Variants in FSTL4 observed in about 807,000 individuals in gnomAD.
FSTL4 encodes the protein follistatin like 4, also known as follistatin-related protein 4.
FSTL4 carries 28 observed loss-of-function variants against 78.2 expected under a neutral mutation model. The ratio of observed to expected loss-of-function variants is 0.36; its 90% confidence interval spans 0.27 to 0.49. The LOEUF is 0.49. FSTL4 is among the 20% of genes least tolerant of loss of function. The pLI is 0.98. For synonymous variants in FSTL4, 422 were observed against 440.5 expected, an observed-to-expected ratio of 0.96 and a Z score of 0.53; for missense variants, 922 against 1,084.9, an observed-to-expected ratio of 0.85 and a Z score of 2.11.
intron 4 of FSTL4, among the ~76,000 whole-genome samples, chr5:133,321,081 A>T (rs1754039113): frequency 6.6e-6 from 1 of 150,806 alleles, no homozygotes; most frequent in Admixed American, 6.6e-5. Context: ...TGTCTTTCTT[A>T]TCTTCACCCC....
intron 4 of FSTL4, among the ~76,000 whole-genome samples, chr5:133,384,935 C>T (rs1216116304): frequency 1.3e-5 from 2 of 152,116 alleles, no homozygotes; most frequent in Admixed American, 6.5e-5. Flanking sequence ...AACCCTTGGC[C>T]TAGAAGACTC....
intron 2 of FSTL4, among the ~76,000 whole-genome samples, chr5:133,579,030 G>A (rs1380028421): frequency 6.6e-6 from 1 of 152,172 alleles, no homozygotes; most frequent in Non-Finnish European, 1.5e-5. Flanking sequence ...TCAGCACCCT[G>A]AGGAACAACC....
chr5:133,417,940 C>T lies in FSTL4; in HGVS notation c.161-16954G>A, dbSNP rs180813113. 3.1e-3 allele frequency among the ~76,000 whole-genome samples: 355 copies of T among 113,592 alleles called. 4 individuals are homozygous for T. Among genetic ancestry groups the T allele is most frequent in the African/African-American group, 0.012 (337 of 27,846 alleles). 74.5% of individuals were successfully genotyped at this position (113,592 alleles called of 152,430 possible). A position where few individuals can be genotyped will look rare whatever the true frequency, so the allele number is the denominator to read the frequency against. On this transcript the variant is annotated intron_variant, in intron 3 of 15. Transcript: ENST00000265342. ...CGCCACTGCACTCCAGCCTGGGTGA[C>T]AGAGTAAGACTCCATCTTAAAAAAA...
chr5:133,377,714 G>A (rs2126949941), intron 4 of FSTL4, among the ~76,000 whole-genome samples: 1 of 151,960 alleles, frequency 6.6e-6, no homozygotes, highest in Non-Finnish European at 1.5e-5. Context: ...AAAGAAAAGA[G>A]AAAGGAACAG....
intron 3 of FSTL4, among the ~76,000 whole-genome samples, chr5:133,486,052 G>GCTCACA: frequency 6.6e-6 from 1 of 152,234 alleles, no homozygotes; most frequent in African/African-American, 2.4e-5. Flanking sequence ...GGTGAGAATG[G>GCTCACA]CTCACACTCA....
At chr5:133,531,884 A>C (rs928975494) in intron 3 of FSTL4, among the ~76,000 whole-genome samples, 1 of 152,222 alleles carries the variant, frequency 6.6e-6, no homozygotes, top group Non-Finnish European at 1.5e-5. Flanking sequence ...TGTGGGAAGG[A>C]AAACCAAGTA....
chr5:133,628,780 TA>T, the FSTL4 span, among the ~76,000 whole-genome samples: 57 of 152,140 alleles, frequency 3.7e-4, no homozygotes, highest in African/African-American at 1.3e-3. Flanking sequence ...AAGAAATGAA[TA>T]AAAAAATAAA....
the FSTL4 span, among the ~76,000 whole-genome samples, chr5:133,656,387 A>T: frequency 8.0e-3 from 1,217 of 152,332 alleles, 34 homozygotes; most frequent in Admixed American, 0.064. Flanking sequence ...TGTCAAGGGC[A>T]GTAATTTTCT....
chr5:133,261,420 C>T (rs1752517730), intron 6 of FSTL4, among the ~76,000 whole-genome samples: 1 of 152,198 alleles, frequency 6.6e-6, no homozygotes, highest in African/African-American at 2.4e-5. Flanking sequence ...GGACCCCCCT[C>T]TTAGCCGAGA....
At chr5:133,629,612 T>C in the FSTL4 span, among the ~76,000 whole-genome samples, 5 of 152,040 alleles carry the variant, frequency 3.3e-5, no homozygotes, top group African/African-American at 1.2e-4. Context: ...TTCCAAACAA[T>C]AGAAATAGAG....
the FSTL4 span, among the ~76,000 whole-genome samples, chr5:133,815,235 A>C: frequency 2.0e-5 from 3 of 152,216 alleles, no homozygotes; most frequent in African/African-American, 7.2e-5. Context: ...GGGGTCTTGC[A>C]GGGAATAACT....
At chr5:133,507,954 C>T (rs1477757834) in intron 3 of FSTL4, among the ~76,000 whole-genome samples, 1 of 152,132 alleles carries the variant, frequency 6.6e-6, no homozygotes, top group Non-Finnish European at 1.5e-5. Context: ...TCACAGATTG[C>T]TTAATGATGG....
Position 133,603,893 on chromosome 5 carries a change from C to G in FSTL4, c.91G>C (p.Gly31Arg). 5 of 1,614,182 alleles carry G rather than the reference C, an allele frequency of 3.1e-6. No individual in the cohort carries two copies. Among genetic ancestry groups the G allele is most frequent in the Non-Finnish European group, 4.2e-6 (5 of 1,180,002 alleles). ...GACTCCCCCACACCCACATCCGGGC[C>G]TCTGCTGGTTCCTGGGTCCATCCAT... ...LGWMDPGTSR[G>R]PDVGVGESQA... Residue 31 changes from glycine (G) to arginine (R), a missense_variant, in exon 2 of 16, where the codon GGC becomes CGC. Gly to Arg is a moderately radical substitution (Grantham distance 125). Transcript: ENST00000265342.
intron 15 of FSTL4, among the ~76,000 whole-genome samples, chr5:133,200,090 A>G (rs1229070644): frequency 1.3e-5 from 2 of 152,222 alleles, no homozygotes; most frequent in Non-Finnish European, 2.9e-5. Context: ...CTGCTTCTCC[A>G]TTTATAATAC....
intron 2 of FSTL4, among the ~76,000 whole-genome samples, chr5:133,597,760 A>G (rs1760766992): frequency 6.6e-6 from 1 of 152,188 alleles, no homozygotes. Flanking sequence ...ACAAGACTCC[A>G]AAACAGCTCA....
In FSTL4 at chr5:133,512,178, G is replaced by A. The variant is rs554345942; in HGVS notation, c.160+55008C>T. Reference sequence around the variant, plus strand: ...ACGCATCACCCTGCCTCGCCACAGCGTCACTCTTTCCCTGGGGCTGTAGGC... The same window carrying A: ...ACGCATCACCCTGCCTCGCCACAGCATCACTCTTTCCCTGGGGCTGTAGGC... On this transcript the variant is annotated intron_variant, in intron 3 of 15. Coordinates refer to ENST00000265342, the MANE Select transcript of FSTL4 (RefSeq NM_015082.2). 8.7e-4 allele frequency among the ~76,000 whole-genome samples: 132 copies of A among 152,234 alleles called. 2 individuals carry two copies. The South Asian group carries it at 0.018, about 21-fold the overall frequency.
intron 7 of FSTL4, among the ~76,000 whole-genome samples, chr5:133,235,812 G>A (rs1488611615): frequency 1.3e-5 from 2 of 152,190 alleles, no homozygotes; most frequent in African/African-American, 4.8e-5. Flanking sequence ...TATCATAAGA[G>A]TCATAAAAGG....
intron 3 of FSTL4, among the ~76,000 whole-genome samples, chr5:133,473,639 A>G (rs527395657): frequency 2.0e-5 from 3 of 152,332 alleles, no homozygotes; most frequent in Non-Finnish European, 4.4e-5. Context: ...AATAACAGAG[A>G]TAGAATCTCT....
intron 8 of FSTL4, among the ~76,000 whole-genome samples, chr5:133,231,399 G>A (rs368866415): frequency 6.6e-6 from 1 of 152,056 alleles, no homozygotes; most frequent in Non-Finnish European, 1.5e-5. Flanking sequence ...CTGGGGCCCT[G>A]CCAGGAAAGG....
Sources: gnomAD v4.1 joint callset for allele counts (sites outside exome capture counted in the v4.1 genomes callset) on GRCh38, gnomAD v4.1.1 for gene constraint, MANE v1.5 for transcripts, NCBI Gene and HGNC (gene_info 2026-07-23, HGNC 2026-07-21) for gene names.